UBE2Q2: variants seen among roughly 807,000 people sequenced by gnomAD.
UBE2Q2 encodes ubiquitin-conjugating enzyme E2 Q2.
Under a neutral mutation model 59.9 loss-of-function variants are expected in UBE2Q2, and 54 were observed. That is an observed-to-expected ratio of 0.90 (90% CI 0.72 to 1.13). UBE2Q2 has a LOEUF of 1.13. Ranked by LOEUF, UBE2Q2 falls within the 50% of genes most tolerant of loss-of-function variation. The probability of loss-of-function intolerance (pLI) is 0.00; values close to 1 mark genes in which losing one functional copy is unlikely to be tolerated. For missense variants in UBE2Q2, 433 were observed against 441.9 expected (o/e 0.98, Z 0.18); for synonymous variants, 165 against 155.2 (o/e 1.06, Z -0.47).
At chr15:75,851,755 G>GT (rs1349140189) in intron 1 of UBE2Q2, among the ~76,000 whole-genome samples, 3 of 152,246 alleles carry the variant, frequency 2.0e-5, no homozygotes, top group South Asian at 4.2e-4. Context: ...TCACACAAGG[G>GT]TTTTTTCTCA....
chr15:75,859,996 T>C lies in UBE2Q2; in HGVS notation c.387+14T>C, dbSNP rs1329244573. 2 of 1,557,376 alleles carry C rather than the reference T, an allele frequency of 1.3e-6. No individual in the cohort carries two copies. Among genetic ancestry groups the C allele is most frequent in the Non-Finnish European group, 8.7e-7 (1 of 1,147,238 alleles). On this transcript the variant is annotated intron_variant, in intron 3 of 12. Transcript: ENST00000267938. ...CCCACGGGTCAGGTAAAGTAAAAAT[T>C]CTCTAGTGTTCAAGAGCTAAATAAA...
chr15:75,890,608 C>T (rs335713), intron 10 of UBE2Q2, 125 bp downstream of exon 10: 801,447 of 835,836 alleles, frequency 0.96, 386,432 homozygotes, highest in East Asian at 1. Flanking sequence ...TTTAAAATAG[C>T]GTCTACTTTC....
Position 75,859,913 on chromosome 15 carries a change from C to G in UBE2Q2, c.318C>G (p.Leu106=). The change falls in exon 3 of 13, where the codon CTC becomes CTG. Residue 106 remains leucine, a synonymous_variant. Transcript: ENST00000267938. ...AATTGAAGTGGTTGATATGTGAACT[C>G]TGCAGTTTATATAACCTTCCTAAGC... is the stretch of plus-strand genomic sequence containing the variant. ...RQQLKWLICE[L]CSLYNLPKHL... is the part of the protein sequence containing the mutation. 6.2e-7 allele frequency: 1 copy of G among 1,602,934 alleles called. No homozygotes were observed. Among genetic ancestry groups the G allele is most frequent in the Non-Finnish European group, 8.5e-7 (1 of 1,176,964 alleles).
chr15:75,847,789 T>A (rs1439137680), intron 1 of UBE2Q2, among the ~76,000 whole-genome samples: 1 of 152,118 alleles, frequency 6.6e-6, no homozygotes, highest in Non-Finnish European at 1.5e-5. Context: ...AATCACTGTT[T>A]TAGAATGAAA....
intron 12 of UBE2Q2, among the ~76,000 whole-genome samples, chr15:75,898,822 C>G (rs1028776299): frequency 1.3e-5 from 2 of 152,270 alleles, no homozygotes; most frequent in African/African-American, 4.8e-5. Flanking sequence ...TTCTTTTAGT[C>G]TAATATTCCA....
chr15:75,844,216 G>A lies in UBE2Q2; in HGVS notation c.180+370G>A, dbSNP rs911604085. The A allele has an allele frequency of 1.7e-5, 25 of 1,473,034 alleles. 1 individual carries two copies. The Admixed American group carries it at 3.7e-4, about 22-fold the overall frequency. The allele number at this position is 1,473,034 out of a possible 1,614,324, so 91.2% of individuals were successfully genotyped here. A position where few individuals can be genotyped will look rare whatever the true frequency, so the allele number is the denominator to read the frequency against. On this transcript the variant is annotated intron_variant, in intron 1 of 12. Coordinates refer to ENST00000267938, the MANE Select transcript of UBE2Q2 (RefSeq NM_173469.4). Reference sequence around the variant, plus strand: ...GGGCGGGGCGGGGCGGGGCGGCGCAGCTCCGGCTGTTGTTTGAGCCCAGGC... The same window carrying A: ...GGGCGGGGCGGGGCGGGGCGGCGCAACTCCGGCTGTTGTTTGAGCCCAGGC...
chr15:75,844,418 C>T (rs944351321), intron 1 of UBE2Q2: 9 of 1,551,486 alleles, frequency 5.8e-6, no homozygotes, highest in Non-Finnish European at 7.8e-6. Flanking sequence ...TTGAGCGACC[C>T]CTCTCCCCCG....
rs1899070622 is a variant in UBE2Q2, at chr15:75,890,993, A to G, written c.1008A>G (p.Arg336=). 6.2e-7 allele frequency: 1 copy of G among 1,612,034 alleles called. No individual in the cohort carries two copies. The highest frequency in any genetic ancestry group is 1.7e-5 in the Admixed American group (1 of 60,010). ...CCACCTTAGTCAAAGGCAAAGCCAG[A>G]GTGCAGTTTGGAGCAAATAAGGTAC... is the stretch of plus-strand genomic sequence containing the variant. ...INATLVKGKA[R]VQFGANKNQY... is the part of the protein sequence containing the mutation. The change falls in exon 11 of 13, where the codon AGA becomes AGG. Residue 336 remains arginine (R), a synonymous_variant. Coordinates refer to ENST00000267938, the MANE Select transcript of UBE2Q2 (RefSeq NM_173469.4).
intron 9 of UBE2Q2, among the ~76,000 whole-genome samples, chr15:75,883,986 T>A (rs572483663): frequency 9.8e-5 from 15 of 152,308 alleles, no homozygotes; most frequent in African/African-American, 3.6e-4. Flanking sequence ...TGATCCTAAT[T>A]GGTACTTTTA....
intron 3 of UBE2Q2, among the ~76,000 whole-genome samples, chr15:75,863,601 A>G (rs1043473223): frequency 6.7e-6 from 1 of 149,336 alleles, no homozygotes; most frequent in Admixed American, 6.7e-5. Context: ...ACATGTCACT[A>G]CGGCCAGCTG....
At chr15:75,854,282 T>G (rs2141554381) in intron 1 of UBE2Q2, 104 bp from the exon 2 acceptor site, 1 of 779,198 alleles carries the variant, frequency 1.3e-6, no homozygotes, top group South Asian at 2.1e-5. Context: ...CCCCATACAT[T>G]TTGTTTAAAT....
chr15:75,875,310 A>G (rs1898018142), intron 5 of UBE2Q2, among the ~76,000 whole-genome samples: 4 of 152,114 alleles, frequency 2.6e-5, no homozygotes, highest in Non-Finnish European at 2.9e-5. Context: ...TCCCCCCTTC[A>G]AAGTATAGTG....
At chr15:75,897,792 T>C (rs928027883) in intron 12 of UBE2Q2, among the ~76,000 whole-genome samples, 4 of 151,896 alleles carry the variant, frequency 2.6e-5, no homozygotes, top group African/African-American at 4.8e-5. Context: ...TGCCTCAGTC[T>C]CCTCAGTAGC....
intron 2 of UBE2Q2, among the ~76,000 whole-genome samples, chr15:75,856,154 T>TCTCC (rs1896890503): frequency 6.6e-6 from 1 of 151,868 alleles, no homozygotes; most frequent in Non-Finnish European, 1.5e-5. Flanking sequence ...GCCTCTGAAC[T>TCTCC]CTAGCCTAGG....
rs1195781034 is a variant in UBE2Q2, at chr15:75,900,616, CAA to C, written c.*1161_*1162del. The C allele has an allele frequency of 6.6e-6, 1 of 152,558 alleles. No homozygotes were observed. Among genetic ancestry groups the C allele is most frequent in the Non-Finnish European group, 1.5e-5 (1 of 68,020 alleles). 9.5% of individuals were successfully genotyped at this position (152,558 alleles called of 1,614,324 possible). A position where few individuals can be genotyped will look rare whatever the true frequency, so the allele number is the denominator to read the frequency against. On this transcript the variant is annotated 3_prime_UTR_variant, in exon 13 of 13. Transcript: ENST00000267938. ...TTCTGCACAAACAAGTTACAAAGTT[CAA>C]AAGTGTTTCTTGTGCATTAGCTTTG...
intron 1 of UBE2Q2, among the ~76,000 whole-genome samples, chr15:75,846,577 C>T (rs1417834133): frequency 6.6e-6 from 1 of 151,952 alleles, no homozygotes; most frequent in African/African-American, 2.4e-5. Context: ...TTGTTCATGT[C>T]GATACCATTT....
rs368861921 is a variant in UBE2Q2 at position 75,889,127 on chromosome 15, A to G, written c.885-1308A>G. On this transcript the variant is annotated intron_variant, in intron 9 of 12. Transcript: ENST00000267938. ...ATATACAATACTCTTTTAGCCCAGTAGGAGAGTTAAAGAGTGGAAGATAGA... is the reference window on the plus strand; with the variant it reads ...ATATACAATACTCTTTTAGCCCAGTGGGAGAGTTAAAGAGTGGAAGATAGA... Among the ~76,000 whole-genome samples, 4 of 152,376 alleles carry G rather than the reference A, an allele frequency of 2.6e-5. No homozygotes were observed. The East Asian group carries it at 5.8e-4, about 22-fold the overall frequency.
rs1258453470 is a variant in UBE2Q2 at position 75,843,577 on chromosome 15, C to T, written c.-90C>T. The stretch of plus-strand genomic sequence containing the variant: ...CGCGGCCCAGGCCGGCCCCGCGGGG[C>T]GGTCGCGGCCGTGACGGCGGCTCCG... On this transcript the variant is annotated 5_prime_UTR_variant, in exon 1 of 13. Transcript: ENST00000267938. 1 of 1,121,578 alleles carries T rather than the reference C, an allele frequency of 8.9e-7. No individual in the cohort carries two copies. The highest frequency in any genetic ancestry group is 1.2e-6 in the Non-Finnish European group (1 of 845,404). 69.5% of individuals were successfully genotyped at this position (1,121,578 alleles called of 1,614,324 possible). A position where few individuals can be genotyped will look rare whatever the true frequency, so the allele number is the denominator to read the frequency against.
chr15:75,846,350 G>T (rs1313999761), intron 1 of UBE2Q2, among the ~76,000 whole-genome samples: 1 of 152,130 alleles, frequency 6.6e-6, no homozygotes, highest in Non-Finnish European at 1.5e-5. Flanking sequence ...CAATTCTGCT[G>T]CCACCGCCTC....
Sources: allele counts gnomAD v4.1 joint callset (sites outside exome capture counted in the v4.1 genomes callset), GRCh38; gene constraint gnomAD v4.1.1; transcripts MANE v1.5; gene names NCBI Gene and HGNC (gene_info 2026-07-23, HGNC 2026-07-21).